The following BTBD3 variants were observed in gnomAD, a reference collection of about 807,000 sequenced individuals.
BTBD3 encodes the protein BTB/POZ domain-containing protein 3.
In BTBD3, 14 loss-of-function variants were observed where a neutral mutation model predicts 41.6. The observed-to-expected ratio is 0.34, with a 90% CI of 0.22 to 0.53. The LOEUF is 0.53. Ranked by LOEUF, BTBD3 falls within the 20% of genes least tolerant of loss-of-function variation. The pLI is 0.95. For synonymous variants in BTBD3, 249 were observed against 233.7 expected, an observed-to-expected ratio of 1.07 and a Z score of -0.60; for missense variants, 426 against 654.7, an observed-to-expected ratio of 0.65 and a Z score of 3.81.
chr20:11,898,615 T>C (rs2056804896), intron 1 of BTBD3, among the ~76,000 whole-genome samples: 1 of 152,232 alleles, frequency 6.6e-6, no homozygotes, highest in Non-Finnish European at 1.5e-5. Context: ...GCCTAGCACA[T>C]AGAAGATGCT....
At chr20:11,911,129 T>C (rs755513588) in intron 1 of BTBD3, among the ~76,000 whole-genome samples, 2 of 123,154 alleles carry the variant, frequency 1.6e-5, no homozygotes, top group Non-Finnish European at 3.5e-5. Context: ...CATTACTTTA[T>C]GTACTGCTAA....
upstream of BTBD3, among the ~76,000 whole-genome samples, chr20:11,917,387 T>C (rs1451514385): frequency 2.0e-5 from 3 of 152,202 alleles, no homozygotes; most frequent in African/African-American, 7.2e-5. Context: ...CTCAGTTCTC[T>C]TCTTTAGCAC....
intron 1 of BTBD3, among the ~76,000 whole-genome samples, chr20:11,909,012 C>T (rs1389931146): frequency 6.6e-6 from 1 of 151,996 alleles, no homozygotes; most frequent in Non-Finnish European, 1.5e-5. Flanking sequence ...CTTTGGGAGG[C>T]CTAGGCGGGT....
chr20:11,890,919 C>T, exon 1 of BTBD3: 2 of 984,734 alleles, frequency 2.0e-6, no homozygotes, highest in East Asian at 1.1e-4. Flanking sequence ...AGGCGGCGGA[C>T]GGCTGCGTCG....
chr20:11,898,386 C>A (rs747140793), intron 1 of BTBD3, among the ~76,000 whole-genome samples: 3 of 152,132 alleles, frequency 2.0e-5, no homozygotes, highest in Non-Finnish European at 4.4e-5. Context: ...TCTTTCAGGT[C>A]TTCACTAAAA....
intron 1 of BTBD3, among the ~76,000 whole-genome samples, chr20:11,892,701 A>C (rs2056763036): frequency 6.6e-6 from 1 of 152,174 alleles, no homozygotes; most frequent in African/African-American, 2.4e-5. Flanking sequence ...ACAAACTTCC[A>C]AAATGAAGTG....
In BTBD3 at chr20:11,890,882, C is replaced by G. The variant is rs1338842794; in HGVS notation, c.-198C>G. 8 of 984,900 alleles carry G rather than the reference C, an allele frequency of 8.1e-6. No homozygotes were observed. In the African/African-American group the frequency reaches 1.2e-4, roughly 15 times the overall value. The allele number at this position is 984,900 out of a possible 1,614,324, so 61.0% of individuals were successfully genotyped here. On this transcript the variant is annotated 5_prime_UTR_variant, in exon 1 of 5. Coordinates refer to the BTBD3 transcript ENST00000254977. ...GCGCTGGATCTCCGAGTGCCCCGGCCGGGGCCTGAGGAGCGGGCACAGGGC... is the reference window on the plus strand; with the variant it reads ...GCGCTGGATCTCCGAGTGCCCCGGCGGGGGCCTGAGGAGCGGGCACAGGGC...
chr20:11,896,936 A>G (rs940877824), intron 1 of BTBD3, among the ~76,000 whole-genome samples: 1 of 152,352 alleles, frequency 6.6e-6, no homozygotes, highest in Non-Finnish European at 1.5e-5. Flanking sequence ...AAATATTCCA[A>G]GTTATAGCTG....
intron 1 of BTBD3, among the ~76,000 whole-genome samples, chr20:11,898,577 C>T (rs372423221): frequency 1.0e-3 from 158 of 152,206 alleles, no homozygotes; most frequent in African/African-American, 3.4e-3. Flanking sequence ...TCCTTGAGGT[C>T]GAGTATGTTT....
chr20:11,912,495 C>A (rs933720969), intron 1 of BTBD3, among the ~76,000 whole-genome samples: 1 of 152,146 alleles, frequency 6.6e-6, no homozygotes, highest in Non-Finnish European at 1.5e-5. Flanking sequence ...CAAAATGGGA[C>A]CTGCTTGGCC....
chr20:11,907,178 T>C (rs916309427), intron 1 of BTBD3, among the ~76,000 whole-genome samples: 2 of 152,130 alleles, frequency 1.3e-5, no homozygotes, highest in Admixed American at 6.6e-5. Context: ...ACTTTTAATG[T>C]AGTGAAGCCT....
chr20:11,909,262 G>A (rs2056875131), intron 1 of BTBD3: 1 of 114,952 alleles, frequency 8.7e-6, no homozygotes, highest in South Asian at 2.9e-4. Flanking sequence ...CAACAAGGGC[G>A]AAACCCCCTG....
At chr20:11,918,969 C>A in intron 1 of BTBD3, 117 bp from the exon 2 acceptor site, 1 of 709,796 alleles carries the variant, frequency 1.4e-6, no homozygotes, top group Non-Finnish European at 2.4e-6. Flanking sequence ...TGTTGTTTTG[C>A]CTTGAAGTTA....
chr20:11,905,058 T>C (rs2056845549), intron 1 of BTBD3, among the ~76,000 whole-genome samples: 2 of 152,248 alleles, frequency 1.3e-5, no homozygotes, highest in Admixed American at 6.5e-5. Context: ...TCACTGCTCT[T>C]ATAAGAACAG....
intron 1 of BTBD3, among the ~76,000 whole-genome samples, chr20:11,896,660 C>T (rs192398555): frequency 2.4e-4 from 36 of 152,176 alleles, no homozygotes; most frequent in Admixed American, 1.6e-3. Context: ...TTCCAAGTTG[C>T]CTAGAGGTAA....
At chr20:11,919,475 A>G in intron 2 of BTBD3, 6 of 1,361,772 alleles carry the variant, frequency 4.4e-6, no homozygotes, top group South Asian at 3.3e-5. Context: ...TATGTAAGCT[A>G]TTATTGTATG....
intron 1 of BTBD3, among the ~76,000 whole-genome samples, chr20:11,905,415 A>C (rs186509371): frequency 6.6e-6 from 1 of 152,314 alleles, no homozygotes; most frequent in African/African-American, 2.4e-5. Flanking sequence ...CATGACGTAG[A>C]ATATTTTAAA....
intron 1 of BTBD3, among the ~76,000 whole-genome samples, chr20:11,912,216 C>G (rs765669137): frequency 2.0e-5 from 3 of 152,100 alleles, no homozygotes; most frequent in Non-Finnish European, 4.4e-5. Flanking sequence ...CGAGAGAGGC[C>G]AAATTGAGTT....
At chr20:11,911,999 A>C (rs532056925) in intron 1 of BTBD3, among the ~76,000 whole-genome samples, 2 of 152,264 alleles carry the variant, frequency 1.3e-5, no homozygotes, top group East Asian at 3.9e-4. Context: ...GAATTACCAC[A>C]TTCTACCTTT....
Sources: allele counts gnomAD v4.1 joint callset (sites outside exome capture counted in the v4.1 genomes callset), GRCh38; gene constraint gnomAD v4.1.1; transcripts MANE v1.5; gene names NCBI Gene and HGNC (gene_info 2026-07-23, HGNC 2026-07-21).